The following SLC35F1 variants were observed in gnomAD, a reference collection of about 807,000 sequenced individuals.
The protein encoded by SLC35F1 is chromosome 6 open reading frame 169.
In SLC35F1, 14 loss-of-function variants were observed where a neutral mutation model predicts 48.7. The observed-to-expected ratio is 0.29, with a 90% CI of 0.19 to 0.45. The LOEUF is 0.45. Ranked by LOEUF, SLC35F1 falls within the 20% of genes least tolerant of loss-of-function variation. SLC35F1 has a pLI of 1.00. For missense variants in SLC35F1, 404 were observed against 500.0 expected, an observed-to-expected ratio of 0.81 and a Z score of 1.83; for synonymous variants, 190 against 202.2, an observed-to-expected ratio of 0.94 and a Z score of 0.51.
At chr6:118,059,230 A>G (rs1772503305) in intron 1 of SLC35F1, among the ~76,000 whole-genome samples, 4 of 152,218 alleles carry the variant, frequency 2.6e-5, no homozygotes, top group African/African-American at 4.8e-5. Flanking sequence ...CACTGAGTTC[A>G]TGTAGAAGAA....
At chr6:118,045,230 ACT>A in intron 1 of SLC35F1, among the ~76,000 whole-genome samples, 2 of 152,300 alleles carry the variant, frequency 1.3e-5, no homozygotes, top group Admixed American at 1.3e-4. Context: ...AGGTTGTATC[ACT>A]TGCAGTAAAG....
At chr6:117,932,215 A>C (rs1776110758) in intron 1 of SLC35F1, among the ~76,000 whole-genome samples, 1 of 152,218 alleles carries the variant, frequency 6.6e-6, no homozygotes, top group Non-Finnish European at 1.5e-5. Flanking sequence ...GGCACCTGGA[A>C]TGTGGATTTC....
chr6:117,993,953 G>A (rs1044487731), intron 1 of SLC35F1, among the ~76,000 whole-genome samples: 6 of 152,138 alleles, frequency 3.9e-5, no homozygotes, highest in African/African-American at 1.4e-4. Context: ...GGTTCTTCAG[G>A]TCAGAAGTCT....
At chr6:118,067,707 G>T (rs922049509) in intron 1 of SLC35F1, among the ~76,000 whole-genome samples, 4 of 152,144 alleles carry the variant, frequency 2.6e-5, no homozygotes, top group Admixed American at 6.5e-5. Flanking sequence ...AATGGTGGGG[G>T]TTTAAATTAG....
chr6:118,175,288 G>A (rs759258096), intron 2 of SLC35F1, among the ~76,000 whole-genome samples: 4 of 152,048 alleles, frequency 2.6e-5, no homozygotes, highest in Non-Finnish European at 5.9e-5. Context: ...CACTTTCCTT[G>A]ATCTCATTTC....
At chr6:118,199,235 A>T (rs1774841732) in intron 2 of SLC35F1, among the ~76,000 whole-genome samples, 1 of 152,192 alleles carries the variant, frequency 6.6e-6, no homozygotes, top group Non-Finnish European at 1.5e-5. Context: ...CACATTCTAC[A>T]GTTACCCTGA....
chr6:118,105,039 A>G (rs1187364514), intron 1 of SLC35F1, among the ~76,000 whole-genome samples: 2 of 151,996 alleles, frequency 1.3e-5, no homozygotes, highest in African/African-American at 4.8e-5. Flanking sequence ...TGAAGACACC[A>G]TTTTCTTTTA....
intron 1 of SLC35F1, among the ~76,000 whole-genome samples, chr6:117,938,198 T>C (rs1776183999): frequency 6.6e-6 from 1 of 152,130 alleles, no homozygotes; most frequent in Non-Finnish European, 1.5e-5. Context: ...ATCCCAAGTG[T>C]TTTTATCTCT....
chr6:118,216,493 G>GAAAAT (rs1775075165), intron 2 of SLC35F1, among the ~76,000 whole-genome samples: 1 of 149,352 alleles, frequency 6.7e-6, no homozygotes, highest in South Asian at 2.1e-4. Flanking sequence ...GAAAAGAAAA[G>GAAAAT]AAAGACCAAT....
intron 3 of SLC35F1, among the ~76,000 whole-genome samples, chr6:118,243,944 C>T (rs1775472339): frequency 6.6e-6 from 1 of 152,198 alleles, no homozygotes; most frequent in Admixed American, 6.5e-5. Context: ...TGCTTGCCCC[C>T]AAAGGGAACA....
intron 2 of SLC35F1, among the ~76,000 whole-genome samples, chr6:118,235,006 C>G (rs1190817084): frequency 6.6e-6 from 1 of 152,146 alleles, no homozygotes; most frequent in African/African-American, 2.4e-5. Flanking sequence ...ACCCACAAAC[C>G]ACTAGAGTGC....
At chr6:118,228,257 AT>A (rs1424218228) in intron 2 of SLC35F1, among the ~76,000 whole-genome samples, 1 of 151,882 alleles carries the variant, frequency 6.6e-6, no homozygotes, top group East Asian at 1.9e-4. Flanking sequence ...AACAATTTAG[AT>A]TTTCTTTTTT....
chr6:118,045,968 C>CT (rs1340496677), intron 1 of SLC35F1, among the ~76,000 whole-genome samples: 6 of 152,088 alleles, frequency 3.9e-5, no homozygotes, highest in Non-Finnish European at 7.4e-5. Flanking sequence ...GGCAGAATAC[C>CT]TTTTTTTCAT....
intron 1 of SLC35F1, among the ~76,000 whole-genome samples, chr6:118,118,862 G>A (rs1159063056): frequency 2.0e-5 from 3 of 151,886 alleles, no homozygotes; most frequent in African/African-American, 4.8e-5. Flanking sequence ...CCCATGGTAA[G>A]ATGTAAATGC....
At chr6:118,268,265 CT>C (rs1460978109) in intron 4 of SLC35F1, among the ~76,000 whole-genome samples, 2 of 152,182 alleles carry the variant, frequency 1.3e-5, no homozygotes, top group Admixed American at 1.3e-4. Flanking sequence ...GGGCAGGCCT[CT>C]TTCTCTGTCC....
intron 3 of SLC35F1, among the ~76,000 whole-genome samples, chr6:118,236,655 A>G (rs1457999612): frequency 6.6e-6 from 1 of 152,220 alleles, no homozygotes; most frequent in Non-Finnish European, 1.5e-5. Flanking sequence ...TAATGGTAGC[A>G]TTTTTCCAGG....
At position 118,249,327 on chromosome 6, in the gene SLC35F1, C is replaced by T. The variant is rs149771727; in HGVS notation, c.477+13691C>T. On this transcript the variant is annotated intron_variant, in intron 3 of 7. Coordinates refer to ENST00000360388, the MANE Select transcript of SLC35F1 (RefSeq NM_001029858.4). ...AAAGTATCCTGCCCAGGAGCTGTTC[C>T]TTCTTTGTGGTTACTAAGGTGCCAA... is the stretch of plus-strand genomic sequence containing the variant. Among the ~76,000 whole-genome samples the T allele has an allele frequency of 3.4e-3, 516 of 152,292 alleles. 3 individuals carry two copies. Among genetic ancestry groups the T allele is most frequent in the African/African-American group, 0.012 (495 of 41,568 alleles).
chr6:118,262,244 G>A (rs190468340), intron 3 of SLC35F1, among the ~76,000 whole-genome samples: 49 of 152,228 alleles, frequency 3.2e-4, no homozygotes, highest in Admixed American at 4.6e-4. Flanking sequence ...AAGGAAGGGA[G>A]CATCCACAGA....
At chr6:118,269,575 G>C (rs1267238259) in intron 4 of SLC35F1, among the ~76,000 whole-genome samples, 1 of 152,024 alleles carries the variant, frequency 6.6e-6, no homozygotes, top group Non-Finnish European at 1.5e-5. Flanking sequence ...AAACCCACTG[G>C]TTTTGAGGTC....
Sources: allele counts gnomAD v4.1 joint callset (sites outside exome capture counted in the v4.1 genomes callset), GRCh38; gene constraint gnomAD v4.1.1; transcripts MANE v1.5; gene names NCBI Gene and HGNC (gene_info 2026-07-23, HGNC 2026-07-21).